Variants in COA8 observed in about 807,000 individuals in gnomAD.
COA8 encodes cytochrome c oxidase assembly factor 8, also known as UPF0671 protein C14orf153.
In COA8, 20 loss-of-function variants were observed where a neutral mutation model predicts 22.0. The observed-to-expected ratio is 0.91, with a 90% CI of 0.64 to 1.32. The LOEUF (loss-of-function observed/expected upper bound fraction) is 1.32. Among genes scored for constraint, COA8 ranks in the 40% most tolerant of loss-of-function variants. COA8 has a pLI of 0.00. For synonymous variants in COA8, 105 were observed against 79.9 expected, an observed-to-expected ratio of 1.31 and a Z score of -1.68; for missense variants, 266 against 230.0, an observed-to-expected ratio of 1.16 and a Z score of -1.01.
At chr14:103,583,625 A>T (rs1000866638) in intron 3 of COA8, among the ~76,000 whole-genome samples, 6 of 151,106 alleles carry the variant, frequency 4.0e-5, no homozygotes, top group African/African-American at 1.5e-4. Context: ...CACTTCTCCA[A>T]CTCCTCAACA....
intron 3 of COA8, among the ~76,000 whole-genome samples, chr14:103,583,413 C>T (rs1013731413): frequency 6.6e-6 from 1 of 151,712 alleles, no homozygotes; most frequent in East Asian, 1.9e-4. Flanking sequence ...TGGTGGCGGG[C>T]GCCTGTAATC....
intron 3 of COA8, among the ~76,000 whole-genome samples, chr14:103,578,253 A>T (rs1034496339): frequency 1.3e-5 from 2 of 152,126 alleles, no homozygotes; most frequent in African/African-American, 2.4e-5. Context: ...CTTGCAGCAC[A>T]ATCTTTCATT....
chr14:103,566,319 C>T (rs2142274551), intron 1 of COA8, among the ~76,000 whole-genome samples: 1 of 152,242 alleles, frequency 6.6e-6, no homozygotes, highest in Admixed American at 6.5e-5. Context: ...AGTTGGGAGG[C>T]TGAGGCGGGA....
chr14:103,574,681 T>C (rs879703225), intron 3 of COA8: 33 of 324,558 alleles, frequency 1.0e-4, no homozygotes, highest in Non-Finnish European at 1.6e-4. Context: ...ACTAATCCTT[T>C]GCCTCACCTG....
chr14:103,575,861 C>T (rs2076226256), intron 3 of COA8, among the ~76,000 whole-genome samples: 1 of 152,070 alleles, frequency 6.6e-6, no homozygotes, highest in African/African-American at 2.4e-5. Context: ...CAGCACCACA[C>T]CTGCCTAATT....
At chr14:103,588,489 A>G (rs1173714620) in intron 4 of COA8, among the ~76,000 whole-genome samples, 2 of 151,408 alleles carry the variant, frequency 1.3e-5, no homozygotes, top group South Asian at 2.1e-4. Flanking sequence ...AAATATATAT[A>G]TATATATAAA....
intron 4 of COA8, 144 bp downstream of exon 4, chr14:103,587,508 CTTTTTTTTTTT>C: frequency 3.2e-6 from 1 of 308,154 alleles, no homozygotes; most frequent in South Asian, 6.0e-5. Context: ...TTCTTTTTTT[CTTTTTTTTTTT>C]TTTTTTGAGA....
Position 103,573,401 on chromosome 14 carries a change from C to T in COA8, c.322-706C>T, listed in dbSNP as rs1566980283. ...GCCAGGCTGGTCTTGAACCCCTGAC[C>T]TTCAGGTGATTCGCCTGCCTTGGCC... On this transcript the variant is annotated intron_variant, in intron 2 of 4. Transcript: ENST00000409074. 4.0e-5 allele frequency among the ~76,000 whole-genome samples: 6 copies of T among 151,574 alleles called. No individual in the cohort carries two copies. The South Asian group carries it at 1.3e-3, about 32-fold the overall frequency.
intron 1 of COA8, among the ~76,000 whole-genome samples, chr14:103,565,423 G>A (rs1333479459): frequency 1.3e-5 from 2 of 152,090 alleles, no homozygotes; most frequent in Non-Finnish European, 2.9e-5. Flanking sequence ...CTTCATGCCT[G>A]CTTATGTCTT....
Position 103,563,039 on chromosome 14 carries a change from C to A in COA8, c.38C>A (p.Pro13His). 2 of 1,545,362 alleles carry A rather than the reference C, an allele frequency of 1.3e-6. No homozygotes were observed. The highest frequency in any genetic ancestry group is 2.4e-5 in the East Asian group (1 of 41,928). The change falls in exon 1 of 5, where the codon CCC becomes CAC. Residue 13 changes from proline to histidine, a missense_variant. By Grantham distance (77) the Pro-to-His change is moderately conservative (BLOSUM62 -2). Transcript: ENST00000409074. ...VLRAGKKTFL[P>H]PLCRAFACRG... ...CGGGCGGGGAAGAAGACCTTTCTCC[C>A]CCCTCTCTGCCGCGCCTTCGCCTGC...
intron 1 of COA8, among the ~76,000 whole-genome samples, chr14:103,563,615 A>G (rs572762645): frequency 6.6e-6 from 1 of 152,326 alleles, no homozygotes; most frequent in South Asian, 2.1e-4. Flanking sequence ...CTGGCCAAAG[A>G]TCCGCAAAGA....
At chr14:103,586,888 G>A (rs566618143) in intron 3 of COA8, among the ~76,000 whole-genome samples, 3 of 151,900 alleles carry the variant, frequency 2.0e-5, no homozygotes, top group African/African-American at 7.3e-5. Flanking sequence ...ATTTTTAGTA[G>A]AGATGGGGTT....
At chr14:103,582,510 G>A (rs2076275657) in intron 3 of COA8, among the ~76,000 whole-genome samples, 1 of 152,182 alleles carries the variant, frequency 6.6e-6, no homozygotes, top group African/African-American at 2.4e-5. Context: ...ACCTGTCCCA[G>A]GAATGGGCAG....
At chr14:103,571,893 C>T (rs1309276167) in intron 2 of COA8, 73 bp downstream of exon 2, 19 of 1,314,348 alleles carry the variant, frequency 1.4e-5, no homozygotes, top group Admixed American at 7.5e-5. Flanking sequence ...TTCGGGATGC[C>T]GAGGTGGGCA....
At chr14:103,582,091 G>A (rs1004122526) in intron 3 of COA8, among the ~76,000 whole-genome samples, 9 of 152,222 alleles carry the variant, frequency 5.9e-5, no homozygotes, top group African/African-American at 1.9e-4. Context: ...TAGGAGCTGA[G>A]CGTGGCCTCC....
rs140904372 is a variant in COA8, at chr14:103,575,855, A to G, written c.385+1685A>G. On this transcript the variant is annotated intron_variant, in intron 3 of 4. Coordinates refer to ENST00000409074, the MANE Select transcript of COA8 (RefSeq NM_001370595.2). ...GCTAGGACTGCAGGTGCACGCCAGC[A>G]CCACACCTGCCTAATTTTTGTGTTT... Among the ~76,000 whole-genome samples the G allele has an allele frequency of 1.3e-4, 20 of 152,134 alleles. No homozygotes were observed. In the East Asian group the frequency reaches 3.9e-3, roughly 30 times the overall value.
At chr14:103,579,797 T>A (rs2076253969) in intron 3 of COA8, among the ~76,000 whole-genome samples, 1 of 151,280 alleles carries the variant, frequency 6.6e-6, no homozygotes, top group Non-Finnish European at 1.5e-5. Context: ...ATCCCGTCTA[T>A]ACTAAAGACA....
intron 3 of COA8, among the ~76,000 whole-genome samples, chr14:103,576,182 T>C (rs1352440242): frequency 6.6e-6 from 1 of 152,162 alleles, no homozygotes; most frequent in Non-Finnish European, 1.5e-5. Flanking sequence ...GGCACTTGCC[T>C]GTAATCCCAG....
chr14:103,579,044 C>T (rs542370893), intron 3 of COA8, among the ~76,000 whole-genome samples: 11 of 152,210 alleles, frequency 7.2e-5, no homozygotes, highest in Non-Finnish European at 1.0e-4. Flanking sequence ...GATGAGGTCT[C>T]GCTATGTTGA....
Sources: gnomAD v4.1 joint callset for allele counts (sites outside exome capture counted in the v4.1 genomes callset) on GRCh38, gnomAD v4.1.1 for gene constraint, MANE v1.5 for transcripts, NCBI Gene and HGNC (gene_info 2026-07-23, HGNC 2026-07-21) for gene names.